The following THSD7B variants were observed in gnomAD, a reference collection of about 807,000 sequenced individuals.
THSD7B encodes the protein thrombospondin type-1 domain-containing protein 7B.
A neutral mutation model predicts 213.6 loss-of-function variants in THSD7B; 138 were observed. The observed-to-expected ratio is 0.65, with a 90% CI of 0.56 to 0.74. The LOEUF is 0.74. THSD7B is among the 30% of genes least tolerant of loss of function. THSD7B has a pLI of 0.00. For synonymous variants in THSD7B, 742 were observed against 687.0 expected, an observed-to-expected ratio of 1.08 and a Z score of -1.25; for missense variants, 1,931 against 1,991.5, an observed-to-expected ratio of 0.97 and a Z score of 0.58.
At chr2:137,193,420 A>T (rs1017136973) in intron 7 of THSD7B, among the ~76,000 whole-genome samples, 1 of 152,234 alleles carries the variant, frequency 6.6e-6, no homozygotes, top group African/African-American at 2.4e-5. Flanking sequence ...AATACTTAAC[A>T]TTACTTGTGG....
intron 5 of THSD7B, among the ~76,000 whole-genome samples, chr2:137,138,096 G>A (rs1382992060): frequency 6.6e-6 from 1 of 151,972 alleles, no homozygotes; most frequent in Non-Finnish European, 1.5e-5. Flanking sequence ...GTCCCATTAT[G>A]TTGCCCCGGC....
intron 12 of THSD7B, among the ~76,000 whole-genome samples, chr2:137,319,619 G>A (rs1362451154): frequency 6.6e-6 from 1 of 152,168 alleles, no homozygotes; most frequent in Non-Finnish European, 1.5e-5. Context: ...TGTTATCATG[G>A]CTGTTGCTGC....
intron 10 of THSD7B, among the ~76,000 whole-genome samples, chr2:137,271,943 A>C (rs1682748837): frequency 6.6e-6 from 1 of 152,134 alleles, no homozygotes; most frequent in Non-Finnish European, 1.5e-5. Flanking sequence ...ATTTCTCAGC[A>C]AAACCCTGAA....
At chr2:137,673,624 T>TAAAG (rs775161520) in intron 27 of THSD7B, among the ~76,000 whole-genome samples, 4 of 152,238 alleles carry the variant, frequency 2.6e-5, no homozygotes, top group Non-Finnish European at 4.4e-5. Flanking sequence ...CCAGAGGTTC[T>TAAAG]AAAGACAAGC....
intron 15 of THSD7B, among the ~76,000 whole-genome samples, chr2:137,548,788 A>G (rs1680787892): frequency 6.6e-6 from 1 of 152,036 alleles, no homozygotes; most frequent in Non-Finnish European, 1.5e-5. Flanking sequence ...ATTTGTACTT[A>G]ATAGTCCAGC....
At chr2:137,250,183 C>T (rs1297111454) in intron 10 of THSD7B, among the ~76,000 whole-genome samples, 2 of 152,132 alleles carry the variant, frequency 1.3e-5, no homozygotes, top group Non-Finnish European at 2.9e-5. Context: ...CTGCCTCTTC[C>T]TATTAAATTT....
chr2:137,603,908 C>G (rs964804963), intron 17 of THSD7B, among the ~76,000 whole-genome samples: 1 of 152,040 alleles, frequency 6.6e-6, no homozygotes, highest in African/African-American at 2.4e-5. Flanking sequence ...GTCAGGAGTT[C>G]AAGAGTAGCC....
rs1463282 is a variant in THSD7B, at chr2:137,404,458, T to G, written c.2501-1155T>G. 2.8e-3 allele frequency among the ~76,000 whole-genome samples: 302 copies of G among 108,422 alleles called. 1 individual carries two copies. Among genetic ancestry groups the G allele is most frequent in the African/African-American group, 0.011 (290 of 25,922 alleles). 71.1% of individuals were successfully genotyped at this position (108,422 alleles called of 152,430 possible). A position where few individuals can be genotyped will look rare whatever the true frequency, so the allele number is the denominator to read the frequency against. ...ATATATATATATATATATATATATA[T>G]ATATATATATATATATACACACACA... On this transcript the variant is annotated intron_variant, in intron 12 of 27. Coordinates refer to ENST00000409968, the MANE Select transcript of THSD7B (RefSeq NM_001316349.2).
At chr2:137,015,892 C>A (rs765654477) in intron 2 of THSD7B, among the ~76,000 whole-genome samples, 1 of 152,062 alleles carries the variant, frequency 6.6e-6, no homozygotes, top group African/African-American at 2.4e-5. Flanking sequence ...CCCCTTTCCT[C>A]GAGAGGAGGG....
chr2:136,776,794 A>G (rs1681613462), intron 1 of THSD7B, among the ~76,000 whole-genome samples: 1 of 152,162 alleles, frequency 6.6e-6, no homozygotes, highest in African/African-American at 2.4e-5. Context: ...AGGCTGATGG[A>G]AATATGGTAG....
rs1681494917 is a variant in THSD7B, at chr2:137,577,818, A to G, written c.3423+5262A>G. Among the ~76,000 whole-genome samples, 3 of 152,322 alleles carry G rather than the reference A, an allele frequency of 2.0e-5. 1 individual carries two copies. Among genetic ancestry groups the G allele is most frequent in the South Asian group, 4.1e-4 (2 of 4,832 alleles). On this transcript the variant is annotated intron_variant, in intron 17 of 27. Coordinates refer to ENST00000409968, the MANE Select transcript of THSD7B (RefSeq NM_001316349.2). ...GTAAAAGTATAATTCTATACCTTGT[A>G]AAAGTATAATTTTCAAAAAATTAAA... is the stretch of plus-strand genomic sequence containing the variant.
intron 3 of THSD7B, among the ~76,000 whole-genome samples, chr2:137,066,146 G>T: frequency 7.0e-6 from 1 of 143,814 alleles, no homozygotes; most frequent in South Asian, 2.3e-4. Flanking sequence ...TATTTTTGAA[G>T]TATAATTTCA....
chr2:137,126,696 G>A (rs936184685), intron 5 of THSD7B, among the ~76,000 whole-genome samples: 1 of 152,040 alleles, frequency 6.6e-6, no homozygotes, highest in Non-Finnish European at 1.5e-5. Context: ...TTCAGAACTG[G>A]GCTAATTGTT....
rs539132814 is a variant in THSD7B at position 137,130,517 on chromosome 2, A to G, written c.1369+15224A>G. Among the ~76,000 whole-genome samples the G allele has an allele frequency of 2.1e-5, 3 of 145,656 alleles. No homozygotes were observed. In the South Asian group the frequency reaches 7.1e-4, roughly 34 times the overall value. ...AGCATTAGGTATATCTCCTAATGCTATCCCTTCCCCCTCCCCCCACCCCAC... is the reference window on the plus strand; with the variant it reads ...AGCATTAGGTATATCTCCTAATGCTGTCCCTTCCCCCTCCCCCCACCCCAC... On this transcript the variant is annotated intron_variant, in intron 5 of 27. Coordinates refer to ENST00000409968, the MANE Select transcript of THSD7B (RefSeq NM_001316349.2).
Position 137,369,163 on chromosome 2 carries a change from A to T in THSD7B, c.2501-36450A>T, listed in dbSNP as rs571618180. Among the ~76,000 whole-genome samples the T allele has an allele frequency of 3.9e-3, 592 of 150,650 alleles. 6 individuals carry two copies. Among genetic ancestry groups the T allele is most frequent in the African/African-American group, 0.014 (568 of 40,554 alleles). ...GGCGGGGGGGACCATATATATATAT[A>T]TATATTTTTGACAACTTTAGACACT... On this transcript the variant is annotated intron_variant, in intron 12 of 27. Coordinates refer to ENST00000409968, the MANE Select transcript of THSD7B (RefSeq NM_001316349.2).
intron 12 of THSD7B, among the ~76,000 whole-genome samples, chr2:137,385,610 T>G (rs528575735): frequency 6.6e-6 from 1 of 152,252 alleles, no homozygotes; most frequent in South Asian, 2.1e-4. Flanking sequence ...GTGTATATCT[T>G]AGGCCATGGA....
intron 1 of THSD7B, among the ~76,000 whole-genome samples, chr2:136,868,115 C>CGT (rs777436747): frequency 1.7e-4 from 23 of 139,360 alleles, no homozygotes; most frequent in South Asian, 1.1e-3. Context: ...CACACACACG[C>CGT]GCGCGCACAC....
chr2:137,091,658 T>G (rs1282269228), intron 3 of THSD7B, among the ~76,000 whole-genome samples: 1 of 152,098 alleles, frequency 6.6e-6, no homozygotes, highest in African/African-American at 2.4e-5. Context: ...CTTCACATGG[T>G]CTTTCCTGTG....
At chr2:137,218,506 G>T (rs1037857178) in intron 7 of THSD7B, among the ~76,000 whole-genome samples, 2 of 149,884 alleles carry the variant, frequency 1.3e-5, no homozygotes, top group Non-Finnish European at 3.0e-5. Flanking sequence ...ATAACTGGTA[G>T]GTGAGTTTGG....
Sources: gnomAD v4.1 joint callset for allele counts (sites outside exome capture counted in the v4.1 genomes callset) on GRCh38, gnomAD v4.1.1 for gene constraint, MANE v1.5 for transcripts, NCBI Gene and HGNC (gene_info 2026-07-23, HGNC 2026-07-21) for gene names.